The following QTRT1 variants were observed in gnomAD, a reference collection of about 807,000 sequenced individuals.
QTRT1 encodes queuine tRNA-ribosyltransferase catalytic subunit 1, also known as TGT, 43-KD subunit.
In QTRT1, 41 loss-of-function variants were observed where a neutral mutation model predicts 44.0. That is an observed-to-expected ratio of 0.93 (90% confidence interval 0.73 to 1.21). QTRT1 has a LOEUF of 1.21. Among genes scored for constraint, QTRT1 ranks in the 50% most tolerant of loss-of-function variants. The pLI is 0.00. For missense variants in QTRT1, 542 were observed against 575.8 expected (o/e 0.94, Z 0.60); for synonymous variants, 226 against 237.1 (o/e 0.95, Z 0.43).
chr19:10,708,767 CTTTT>C (rs1181603706), intron 5 of QTRT1, among the ~76,000 whole-genome samples: 1 of 128,124 alleles, frequency 7.8e-6, no homozygotes, highest in Non-Finnish European at 1.7e-5. Context: ...TTTTTTTTTT[CTTTT>C]TTTTTTTTTT....
At chr19:10,707,958 T>G (rs920083827) in intron 5 of QTRT1, among the ~76,000 whole-genome samples, 1 of 151,196 alleles carries the variant, frequency 6.6e-6, no homozygotes, top group Admixed American at 6.6e-5. Context: ...TACTTTTTTT[T>G]TTTTTGGAGG....
intron 3 of QTRT1, among the ~76,000 whole-genome samples, chr19:10,704,674 G>T (rs990072234): frequency 2.0e-5 from 3 of 151,882 alleles, no homozygotes. Flanking sequence ...AGCAACCTCT[G>T]CCTCCTGGGT....
intron 3 of QTRT1, among the ~76,000 whole-genome samples, chr19:10,706,411 C>T (rs1434096060): frequency 2.6e-5 from 4 of 152,254 alleles, no homozygotes; most frequent in Admixed American, 2.0e-4. Context: ...CTCGCTCTGT[C>T]GCCTTGGCTG....
chr19:10,703,623 A>G (rs1405221906), intron 3 of QTRT1, among the ~76,000 whole-genome samples: 1 of 152,014 alleles, frequency 6.6e-6, no homozygotes, highest in Non-Finnish European at 1.5e-5. Flanking sequence ...GGTTCAAGCA[A>G]TTCGCCTGCC....
chr19:10,712,620 C>G lies in QTRT1; in HGVS notation c.853C>G (p.Arg285Gly). The change falls in exon 7 of 10, where the codon CGG becomes GGG. Residue 285 changes from arginine to glycine, a missense_variant. Transcript: ENST00000250237. This position sits in a 1 kb window ranked among gnomAD's most constrained non-coding sequence, Gnocchi z 5.6. ...CATGTTCGACTGCGTCTTCCCCACA[C>G]GGACAGCGGTGAGGCTCTGGCAGAA... ...CDMFDCVFPT[R>G]TARFGSALVP... 2 of 1,606,740 alleles carry G rather than the reference C, an allele frequency of 1.2e-6. No homozygotes were observed. The highest frequency in any genetic ancestry group is 8.5e-7 in the Non-Finnish European group (1 of 1,179,030).
intron 5 of QTRT1, among the ~76,000 whole-genome samples, chr19:10,708,057 C>T (rs577918578): frequency 5.3e-5 from 8 of 151,964 alleles, no homozygotes; most frequent in African/African-American, 1.2e-4. Flanking sequence ...CTCCGCCTCC[C>T]GGGTTCAATC....
rs749396301 is a variant in QTRT1 at position 10,712,959 on chromosome 19, C to G, written c.978C>G (p.Ser326Arg). Residue 326 changes from serine (S) to arginine (R), a missense_variant, in exon 9 of 10, where the codon AGC becomes AGG. Physicochemically the swap from Ser to Arg is moderately radical, Grantham distance 110. Coordinates refer to ENST00000250237, the MANE Select transcript of QTRT1 (RefSeq NM_031209.3). This position sits in a 1 kb window ranked among gnomAD's most constrained non-coding sequence, Gnocchi z 5.6. ...ECTCPTCQKHSRAFLHALLHS... is the reference protein window; with the variant it reads ...ECTCPTCQKHRRAFLHALLHS... ...GTCCCCTGCCGCTCTACAGGCACAG[C>G]CGCGCCTTCCTGCACGCACTGCTGC... The G allele has an allele frequency of 6.2e-7, 1 of 1,612,938 alleles. No homozygotes were observed. Among genetic ancestry groups the G allele is most frequent in the South Asian group, 1.1e-5 (1 of 91,066 alleles).
At chr19:10,703,274 C>T in intron 3 of QTRT1, among the ~76,000 whole-genome samples, 1 of 151,566 alleles carries the variant, frequency 6.6e-6, no homozygotes. Context: ...GTTGGCAAGG[C>T]TGGTCTCAAA....
In QTRT1 at chr19:10,712,541, C is replaced by A. The variant is rs373619206; in HGVS notation, c.786-12C>A. ...GGTTCTCTGCCCCCTCCCGTCATGG[C>A]TGCAACCCCAGCTATGCCACTGATC... is the stretch of plus-strand genomic sequence containing the variant. On this transcript the variant is annotated splice_polypyrimidine_tract_variant and intron_variant, in intron 6 of 9. Transcript: ENST00000250237. The surrounding 1 kb of genome is among the most constrained non-coding windows in gnomAD (Gnocchi z 5.6). 36 of 1,612,742 alleles carry A rather than the reference C, an allele frequency of 2.2e-5. No homozygotes were observed. The South Asian group carries it at 3.6e-4, about 16-fold the overall frequency.
chr19:10,706,699 T>C (rs2068715232), intron 3 of QTRT1: 1 of 151,620 alleles, frequency 6.6e-6, no homozygotes, highest in African/African-American at 2.4e-5. Flanking sequence ...TTTTTTTTTT[T>C]TTTAACACAG....
rs1392412970 is a variant in QTRT1, at chr19:10,707,528, G to A, written c.559G>A (p.Ala187Thr). Reference sequence around the variant, plus strand: ...AATCCGCTGGCTGGACCGGTGCATTGCAGCCCATCAGCGGCCGGACAAGCA... The same window carrying A: ...AATCCGCTGGCTGGACCGGTGCATTACAGCCCATCAGCGGCCGGACAAGCA... Reference protein sequence around the residue: ...RSIRWLDRCIAAHQRPDKQNL... With the variant: ...RSIRWLDRCITAHQRPDKQNL... Residue 187 changes from alanine to threonine, a missense_variant, in exon 5 of 10, where the codon GCA (alanine) becomes ACA (threonine). Coordinates refer to ENST00000250237, the MANE Select transcript of QTRT1 (RefSeq NM_031209.3). 6.2e-7 allele frequency: 1 copy of A among 1,613,246 alleles called. No individual in the cohort carries two copies. Among genetic ancestry groups the A allele is most frequent in the South Asian group, 1.1e-5 (1 of 91,038 alleles).
In QTRT1 at chr19:10,712,950, C is replaced by T. The variant is rs544199337; in HGVS notation, c.972-3C>T. On this transcript the variant is annotated splice_region_variant and splice_polypyrimidine_tract_variant and intron_variant, in intron 8 of 9. Transcript: ENST00000250237. The surrounding 1 kb of genome is among the most constrained non-coding windows in gnomAD (Gnocchi z 5.6). Reference sequence around the variant, plus strand: ...TGCTGAGCTGTCCCCTGCCGCTCTACAGGCACAGCCGCGCCTTCCTGCACG... The same window carrying T: ...TGCTGAGCTGTCCCCTGCCGCTCTATAGGCACAGCCGCGCCTTCCTGCACG... 4.3e-6 allele frequency: 7 copies of T among 1,613,068 alleles called. No homozygotes were observed. In the African/African-American group the frequency reaches 9.3e-5, roughly 21 times the overall value.
rs774006414 is a variant in QTRT1, at chr19:10,712,208, G to A, written c.694G>A (p.Gly232Arg). The A allele has an allele frequency of 6.2e-6, 10 of 1,613,780 alleles. No individual in the cohort carries two copies. The highest frequency in any genetic ancestry group is 4.0e-5 in the African/African-American group (3 of 74,934). Residue 232 changes from glycine (G) to arginine (R), a missense_variant, in exon 6 of 10, where the codon GGG becomes AGG. Gly to Arg is a moderately radical substitution (Grantham distance 125, BLOSUM62 -2). Transcript: ENST00000250237. The surrounding 1 kb of genome is among the most constrained non-coding windows in gnomAD (Gnocchi z 5.6). Reference sequence around the variant, plus strand: ...TGGCTTCGCCATCGGGGGCCTGAGCGGGGGTGAGAGCAAGTCGCAGTTCTG... The same window carrying A: ...TGGCTTCGCCATCGGGGGCCTGAGCAGGGGTGAGAGCAAGTCGCAGTTCTG... ...VPGFAIGGLS[G>R]GESKSQFWRM...
At position 10,701,533 on chromosome 19, in the gene QTRT1, C is replaced by T. The variant is rs780929279; in HGVS notation, c.73C>T (p.Arg25Cys). Residue 25 changes from arginine (R) to cysteine (C), a missense_variant, in exon 1 of 10, where the codon CGC becomes TGC. Coordinates refer to ENST00000250237, the MANE Select transcript of QTRT1 (RefSeq NM_031209.3). ...CATGCGGCTGGTGGCCGAATGCAGCCGCTCCAGGGCCCGGGCAGGCGAGCT... is the reference window on the plus strand; with the variant it reads ...CATGCGGCTGGTGGCCGAATGCAGCTGCTCCAGGGCCCGGGCAGGCGAGCT... ...RIMRLVAECSRSRARAGELWL... is the reference protein window; with the variant it reads ...RIMRLVAECSCSRARAGELWL... The T allele has an allele frequency of 3.8e-6, 6 of 1,596,926 alleles. No homozygotes were observed. Among genetic ancestry groups the T allele is most frequent in the East Asian group, 2.3e-5 (1 of 44,376 alleles).
In QTRT1 at chr19:10,713,312, G is replaced by A; in HGVS notation, c.*42G>A. 1 of 1,576,590 alleles carries A rather than the reference G, an allele frequency of 6.3e-7. No homozygotes were observed. Among genetic ancestry groups the A allele is most frequent in the Non-Finnish European group, 8.6e-7 (1 of 1,163,154 alleles). On this transcript the variant is annotated 3_prime_UTR_variant, in exon 10 of 10. Transcript: ENST00000250237. This position sits in a 1 kb window ranked among gnomAD's most constrained non-coding sequence, Gnocchi z 4.3. ...GGAGGGAGGAAGGAAGGGAGGGAGG[G>A]GCTGGAAGATACTGAAGGATTCCTT... is the stretch of plus-strand genomic sequence containing the variant.
intron 5 of QTRT1, among the ~76,000 whole-genome samples, chr19:10,707,934 G>C (rs1167833979): frequency 1.3e-5 from 2 of 149,100 alleles, no homozygotes; most frequent in African/African-American, 4.9e-5. Flanking sequence ...GCCTATTTAT[G>C]TATTTATTTA....
chr19:10,713,113 C>G lies in QTRT1; in HGVS notation c.1060-5C>G. The G allele has an allele frequency of 2.5e-6, 4 of 1,608,896 alleles. No individual in the cohort carries two copies. The highest frequency in any genetic ancestry group is 3.4e-6 in the Non-Finnish European group (4 of 1,179,332). On this transcript the variant is annotated splice_region_variant and splice_polypyrimidine_tract_variant and intron_variant, in intron 9 of 9. Coordinates refer to ENST00000250237, the MANE Select transcript of QTRT1 (RefSeq NM_031209.3). This position sits in a 1 kb window ranked among gnomAD's most constrained non-coding sequence, Gnocchi z 4.3. ...ATGCCCCACGCTGACCTCCCCTCCC[C>G]GCAGCTGCAGCTCATGAGCGCCGTC...
At chr19:10,706,505 T>A (rs184155157) in intron 3 of QTRT1, among the ~76,000 whole-genome samples, 1 of 152,124 alleles carries the variant, frequency 6.6e-6, no homozygotes, top group African/African-American at 2.4e-5. Context: ...CTTGAGTAGC[T>A]GGGATTACAG....
intron 5 of QTRT1, among the ~76,000 whole-genome samples, chr19:10,708,767 C>CT (rs1181603706): frequency 0.011 from 1,382 of 128,014 alleles, 23 homozygotes; most frequent in African/African-American, 0.028. Context: ...TTTTTTTTTT[C>CT]TTTTTTTTTT....
Sources: gnomAD v4.1 joint callset for allele counts (sites outside exome capture counted in the v4.1 genomes callset) on GRCh38, gnomAD v4.1.1 for gene constraint, Gnocchi (gnomAD v3.1) non-coding constraint, MANE v1.5 for transcripts, NCBI Gene and HGNC (gene_info 2026-07-23, HGNC 2026-07-21) for gene names.